PCDH11X: variants seen among roughly 807,000 people sequenced by gnomAD.
PCDH11X encodes the protein protocadherin-11 X-linked.
PCDH11X carries 18 observed loss-of-function variants against 53.3 expected under a neutral mutation model. That is an observed-to-expected ratio of 0.34 (90% CI 0.23 to 0.50). The LOEUF is 0.50. Among genes scored for constraint, PCDH11X ranks in the 20% least tolerant of loss-of-function variants. The probability of loss-of-function intolerance (pLI) is 0.98; values close to 1 mark genes in which losing one functional copy is unlikely to be tolerated. For missense variants in PCDH11X, 570 were observed against 1,032.4 expected, an observed-to-expected ratio of 0.55 and a Z score of 6.14; for synonymous variants, 279 against 393.3, an observed-to-expected ratio of 0.71 and a Z score of 3.44.
intron 5 of PCDH11X, among the ~76,000 whole-genome samples, chrX:91,873,647 CA>C (rs1939440972): frequency 9.0e-6 from 1 of 111,125 alleles, no homozygotes; most frequent in African/African-American, 3.3e-5. Flanking sequence ...CAGACAAACA[CA>C]TAAAAGTAAA....
At chrX:92,564,390 A>G (rs1172253169) in intron 10 of PCDH11X, among the ~76,000 whole-genome samples, 1 of 102,376 alleles carries the variant, frequency 9.8e-6, no homozygotes, top group African/African-American at 3.5e-5. Flanking sequence ...TATAGTAACC[A>G]AAACAGTATG....
intron 8 of PCDH11X, among the ~76,000 whole-genome samples, chrX:92,335,057 T>C (rs1309167381): frequency 9.1e-6 from 1 of 109,924 alleles, no homozygotes; most frequent in East Asian, 2.9e-4. Context: ...CTAGGGTTTA[T>C]AGTCAATCAT....
chrX:92,174,576 G>A (rs2065875514), intron 6 of PCDH11X, among the ~76,000 whole-genome samples: 1 of 111,901 alleles, frequency 8.9e-6, no homozygotes, highest in Non-Finnish European at 1.9e-5. Context: ...AACTGGGAAT[G>A]TTCATTTGAG....
At chrX:92,227,125 T>C (rs1410579460) in intron 7 of PCDH11X, among the ~76,000 whole-genome samples, 1 of 111,588 alleles carries the variant, frequency 9.0e-6, no homozygotes, top group Non-Finnish European at 1.9e-5. Context: ...CCAGCTGTAA[T>C]AGCAAATTTC....
Position 92,285,357 on chromosome X carries a change from G to A in PCDH11X, c.3144+22214G>A, listed in dbSNP as rs559709315. ...CAAACTCCGCCTCCAGGGTTCAAGC[G>A]ATTCTCCTGCCTCAGCCTCCTGAGT... is the stretch of plus-strand genomic sequence containing the variant. On this transcript the variant is annotated intron_variant, in intron 8 of 10. Transcript: ENST00000682573. Among the ~76,000 whole-genome samples the A allele has an allele frequency of 2.6e-4, 28 of 105,673 alleles. No homozygotes were observed. The South Asian group carries it at 0.011, about 42-fold the overall frequency. The allele number at this position is 105,673 out of a possible 115,157, so 91.8% of individuals were successfully genotyped here. A position where few individuals can be genotyped will look rare whatever the true frequency, so the allele number is the denominator to read the frequency against.
intron 7 of PCDH11X, among the ~76,000 whole-genome samples, chrX:92,246,446 G>A (rs1348380968): frequency 9.0e-6 from 1 of 110,958 alleles, no homozygotes; most frequent in African/African-American, 3.3e-5. Flanking sequence ...TCCACCTCCC[G>A]GGTTCAAACG....
chrX:92,553,516 CA>C (rs1222786983), intron 10 of PCDH11X, among the ~76,000 whole-genome samples: 1 of 108,679 alleles, frequency 9.2e-6, no homozygotes, highest in Admixed American at 9.9e-5. Context: ...TTAACTTTCC[CA>C]AAAACCAACT....
At chrX:91,825,337 C>T (rs961879579) in intron 4 of PCDH11X, among the ~76,000 whole-genome samples, 56 of 111,165 alleles carry the variant, frequency 5.0e-4, no homozygotes, top group Non-Finnish European at 9.1e-4. Flanking sequence ...ACTCCGTGGG[C>T]GTAGGACCTT....
At chrX:92,189,993 T>G (rs1234224149) in intron 6 of PCDH11X, among the ~76,000 whole-genome samples, 1 of 112,179 alleles carries the variant, frequency 8.9e-6, no homozygotes, top group African/African-American at 3.2e-5. Flanking sequence ...TGCAAAAATA[T>G]GCTCCTGTTC....
chrX:92,460,495 A>G lies in PCDH11X; in HGVS notation c.3344-7804A>G, dbSNP rs1355007384. ...CTGGCCTCAGCAGTTTGAGGAGAAC[A>G]CCACAGTGGTCACCACAGTCCGCCG... On this transcript the variant is annotated intron_variant, in intron 9 of 10. Transcript: ENST00000682573. 4.2e-6 allele frequency: 3 copies of G among 717,617 alleles called. No individual in the cohort carries two copies. The East Asian group carries it at 9.5e-5, about 23-fold the overall frequency. The allele number at this position is 717,617 out of a possible 1,213,427, so 59.1% of individuals were successfully genotyped here. A position where few individuals can be genotyped will look rare whatever the true frequency, so the allele number is the denominator to read the frequency against.
At chrX:92,525,423 G>T (rs968645400) in intron 10 of PCDH11X, among the ~76,000 whole-genome samples, 7 of 110,178 alleles carry the variant, frequency 6.4e-5, no homozygotes, top group African/African-American at 2.3e-4. Flanking sequence ...CTGAGGTCAG[G>T]AGTTCGAGAC....
chrX:92,301,646 TTTTTG>T (rs200383063), intron 8 of PCDH11X, among the ~76,000 whole-genome samples: 3,127 of 105,186 alleles, frequency 0.03, 65 homozygotes, highest in African/African-American at 0.046. Context: ...ACTTTTTTGT[TTTTTG>T]TTTTGTTTTG....
At chrX:91,898,593 C>A (rs932910910) in intron 6 of PCDH11X, among the ~76,000 whole-genome samples, 5 of 106,977 alleles carry the variant, frequency 4.7e-5, no homozygotes, top group African/African-American at 1.7e-4. Flanking sequence ...CATAAAATGT[C>A]AGATGAAGAT....
At chrX:91,889,031 T>C (rs1014812240) in intron 6 of PCDH11X, among the ~76,000 whole-genome samples, 2 of 111,901 alleles carry the variant, frequency 1.8e-5, no homozygotes, top group African/African-American at 6.5e-5. Flanking sequence ...ACTTGAATAG[T>C]TGTTGAGTGA....
intron 6 of PCDH11X, among the ~76,000 whole-genome samples, chrX:91,890,282 A>G (rs1392569613): frequency 4.5e-5 from 5 of 111,575 alleles, no homozygotes; most frequent in Admixed American, 9.6e-5. Flanking sequence ...AAGATTTTGC[A>G]TCTACATTTA....
At chrX:92,194,671 T>G (rs2066261901) in intron 6 of PCDH11X, among the ~76,000 whole-genome samples, 1 of 97,470 alleles carries the variant, frequency 1.0e-5, no homozygotes, top group Admixed American at 1.1e-4. Context: ...AATATTATGT[T>G]TTTTTTTTTT....
intron 1 of PCDH11X, among the ~76,000 whole-genome samples, chrX:91,793,632 C>A (rs1042241419): frequency 1.8e-5 from 2 of 111,519 alleles, no homozygotes; most frequent in Non-Finnish European, 3.8e-5. Flanking sequence ...CAGAGTCAAA[C>A]TTCAAGGGAT....
chrX:91,887,256 A>C (rs1940272937), intron 6 of PCDH11X, among the ~76,000 whole-genome samples: 1 of 110,664 alleles, frequency 9.0e-6, no homozygotes, highest in African/African-American at 3.3e-5. Flanking sequence ...ACATTCCATA[A>C]ATGCTTCTTG....
In PCDH11X at chrX:92,489,860, C is replaced by T. The variant is rs372384912; in HGVS notation, c.3367+21538C>T. On this transcript the variant is annotated intron_variant, in intron 10 of 10. Coordinates refer to ENST00000682573, the MANE Select transcript of PCDH11X (RefSeq NM_032968.5). ...TAATATTATCACATCAGCCACTTTA[C>T]TAAACAACATGATCTTACTTGGACC... 4.9e-5 allele frequency among the ~76,000 whole-genome samples: 5 copies of T among 102,284 alleles called. No individual in the cohort carries two copies. In the South Asian group the frequency reaches 2.2e-3, roughly 45 times the overall value. The allele number at this position is 102,284 out of a possible 115,157, so 88.8% of individuals were successfully genotyped here.
Sources: allele counts gnomAD v4.1 joint callset (sites outside exome capture counted in the v4.1 genomes callset), GRCh38; gene constraint gnomAD v4.1.1; transcripts MANE v1.5; gene names NCBI Gene and HGNC (gene_info 2026-07-23, HGNC 2026-07-21).